ZBTB16: variants seen among roughly 807,000 people sequenced by gnomAD.
The protein encoded by ZBTB16 is zinc finger and BTB domain-containing protein 16.
ZBTB16 carries 8 observed loss-of-function variants against 56.8 expected under a neutral mutation model. The ratio of observed to expected loss-of-function variants is 0.14; its 90% CI spans 0.08 to 0.25. The LOEUF (loss-of-function observed/expected upper bound fraction) is 0.25. Ranked by LOEUF, ZBTB16 falls within the 10% of genes least tolerant of loss-of-function variation. The pLI, the probability that ZBTB16 is intolerant of heterozygous loss-of-function variation, is 1.00. For missense variants in ZBTB16, 625 were observed against 903.0 expected, an observed-to-expected ratio of 0.69 and a Z score of 3.95; for synonymous variants, 363 against 368.5, an observed-to-expected ratio of 0.98 and a Z score of 0.17.
chr11:114,142,818 TAA>T (rs769208455), intron 2 of ZBTB16, among the ~76,000 whole-genome samples: 49 of 152,238 alleles, frequency 3.2e-4, no homozygotes, highest in Middle Eastern at 3.4e-3. Context: ...ATGGCCCGTT[TAA>T]AAAAGATTCC....
intron 4 of ZBTB16, among the ~76,000 whole-genome samples, chr11:114,200,741 G>A (rs956055224): frequency 1.3e-5 from 2 of 151,932 alleles, no homozygotes; most frequent in South Asian, 2.1e-4. Flanking sequence ...GTCTCCCCTC[G>A]TGCCCATGCT....
At chr11:114,115,127 ACTT>A (rs1298165512) in intron 2 of ZBTB16, among the ~76,000 whole-genome samples, 1 of 152,082 alleles carries the variant, frequency 6.6e-6, no homozygotes, top group Non-Finnish European at 1.5e-5. Context: ...AAACCTGTAT[ACTT>A]CTTTAATTTC....
rs201447108 is a variant in ZBTB16, at chr11:114,075,027, G to A, written c.1268+10459G>A. On this transcript the variant is annotated intron_variant, in intron 2 of 6. Coordinates refer to ENST00000335953, the MANE Select transcript of ZBTB16 (RefSeq NM_006006.6). ...TGTGCCTAGGTACATGTGTGTGTGG[G>A]GTGGTCAAGGGGAAGGAGAGACCCC... Among the ~76,000 whole-genome samples the A allele has an allele frequency of 2.6e-5, 4 of 152,316 alleles. No homozygotes were observed. In the East Asian group the frequency reaches 7.7e-4, roughly 29 times the overall value.
chr11:114,094,543 G>A (rs1483945289), intron 2 of ZBTB16, among the ~76,000 whole-genome samples: 1 of 152,210 alleles, frequency 6.6e-6, no homozygotes, highest in African/African-American at 2.4e-5. Flanking sequence ...GCAAACTTGG[G>A]TGTGCAGGCA....
At chr11:114,238,200 C>T (rs1489586108) in intron 4 of ZBTB16, among the ~76,000 whole-genome samples, 3 of 152,234 alleles carry the variant, frequency 2.0e-5, no homozygotes, top group Admixed American at 6.5e-5. Context: ...CCTCCAGTGG[C>T]CCATCAGCCC....
At chr11:114,218,285 G>A (rs1256172498) in intron 4 of ZBTB16, among the ~76,000 whole-genome samples, 1 of 152,128 alleles carries the variant, frequency 6.6e-6, no homozygotes, top group East Asian at 1.9e-4. Context: ...CTTTTCTGAG[G>A]TTCATCATGC....
chr11:114,164,553 A>T (rs188697058), intron 3 of ZBTB16, among the ~76,000 whole-genome samples: 208 of 152,026 alleles, frequency 1.4e-3, no homozygotes, highest in Non-Finnish European at 2.5e-3. Context: ...TTGGGGAGGG[A>T]TATTTACGTG....
At chr11:114,221,054 A>T (rs967469140) in intron 4 of ZBTB16, among the ~76,000 whole-genome samples, 2 of 152,166 alleles carry the variant, frequency 1.3e-5, no homozygotes, top group East Asian at 3.9e-4. Flanking sequence ...GATGGCCAAC[A>T]TTTCAGTGGA....
rs76375958 is a variant in ZBTB16, at chr11:114,094,697, T to G, written c.1268+30129T>G. Among the ~76,000 whole-genome samples, 268 of 152,360 alleles carry G rather than the reference T, an allele frequency of 1.8e-3. 1 individual carries two copies. Among genetic ancestry groups the G allele is most frequent in the African/African-American group, 6.2e-3 (257 of 41,590 alleles). ...CACCCTTGTTGTGGATGGATGTGGC[T>G]CTTAACTAGGGTCTATCCCACAGTG... On this transcript the variant is annotated intron_variant, in intron 2 of 6. Coordinates refer to ENST00000335953, the MANE Select transcript of ZBTB16 (RefSeq NM_006006.6).
intron 3 of ZBTB16, among the ~76,000 whole-genome samples, chr11:114,169,536 C>T (rs1002931444): frequency 3.9e-5 from 6 of 152,142 alleles, no homozygotes; most frequent in East Asian, 3.9e-4. Context: ...TGCAGGAAAT[C>T]GTTTGTGAAG....
intron 3 of ZBTB16, among the ~76,000 whole-genome samples, chr11:114,162,428 G>A (rs951441124): frequency 6.6e-6 from 1 of 152,190 alleles, no homozygotes; most frequent in Non-Finnish European, 1.5e-5. Flanking sequence ...TGGTCCCCAC[G>A]CTGATGATGG....
intron 4 of ZBTB16, among the ~76,000 whole-genome samples, chr11:114,190,995 C>T (rs191400151): frequency 2.2e-4 from 33 of 152,216 alleles, no homozygotes; most frequent in African/African-American, 7.9e-4. Flanking sequence ...GCAGGCATGT[C>T]ACGTGGCCAG....
chr11:114,195,585 C>T (rs944060594), intron 4 of ZBTB16, among the ~76,000 whole-genome samples: 1 of 152,144 alleles, frequency 6.6e-6, no homozygotes, highest in Non-Finnish European at 1.5e-5. Flanking sequence ...GAAGAGGAAC[C>T]CCATGAAGCC....
rs184274213 is a variant in ZBTB16 at position 114,209,068 on chromosome 11, G to A, written c.1453+22030G>A. Among the ~76,000 whole-genome samples the A allele has an allele frequency of 6.6e-5, 10 of 152,242 alleles. No homozygotes were observed. In the East Asian group the frequency reaches 9.7e-4, roughly 15 times the overall value. On this transcript the variant is annotated intron_variant, in intron 4 of 6. Transcript: ENST00000335953. ...GAACCAACCACTTGTGCAGGTGCCC[G>A]CATCCGAAGATAACTTGCCCCCAGG...
intron 2 of ZBTB16, among the ~76,000 whole-genome samples, chr11:114,155,375 C>A (rs1434725264): frequency 6.6e-6 from 1 of 152,244 alleles, no homozygotes; most frequent in Non-Finnish European, 1.5e-5. Flanking sequence ...TGCTCGGCTC[C>A]CTGCTAGCGC....
intron 4 of ZBTB16, among the ~76,000 whole-genome samples, chr11:114,231,580 C>T (rs1250563945): frequency 6.6e-6 from 1 of 152,230 alleles, no homozygotes; most frequent in Non-Finnish European, 1.5e-5. Context: ...ATTTTCCCAT[C>T]TTCCTAAAAA....
Position 114,253,923 on chromosome 11 carries a change from C to T in ZBTB16, c.*3368C>T, listed in dbSNP as rs1944957844. On this transcript the variant is annotated 3_prime_UTR_variant, in exon 7 of 7. Coordinates refer to ENST00000335953, the MANE Select transcript of ZBTB16 (RefSeq NM_006006.6). ...TCTTCATGCCACCTGACTCCTTCGG[C>T]CCCCTGGCTGCCTTTAGCTGTGGTA... 6.6e-6 allele frequency among the ~76,000 whole-genome samples: 1 copy of T among 152,130 alleles called. No homozygotes were observed. Among genetic ancestry groups the T allele is most frequent in the Admixed American group, 6.6e-5 (1 of 15,266 alleles).
intron 4 of ZBTB16, among the ~76,000 whole-genome samples, chr11:114,212,029 G>A (rs901453761): frequency 2.0e-5 from 3 of 152,120 alleles, no homozygotes; most frequent in Admixed American, 2.0e-4. Context: ...ACTTGTCAGC[G>A]GTCTGGGGTC....
intron 4 of ZBTB16, chr11:114,209,589 C>G (rs1042562153): frequency 2.0e-6 from 2 of 985,412 alleles, no homozygotes; most frequent in South Asian, 9.4e-5. Flanking sequence ...TCATTTCTTG[C>G]AAGGCAACTG....
Sources: gnomAD v4.1 joint callset for allele counts (sites outside exome capture counted in the v4.1 genomes callset) on GRCh38, gnomAD v4.1.1 for gene constraint, MANE v1.5 for transcripts, NCBI Gene and HGNC (gene_info 2026-07-23, HGNC 2026-07-21) for gene names.